The following UBE2L3 variants were observed in gnomAD, a reference collection of about 807,000 sequenced individuals.
UBE2L3 encodes the protein ubiquitin-conjugating enzyme E2 L3.
Under a neutral mutation model 17.8 loss-of-function variants are expected in UBE2L3, and 1 was observed. The ratio of observed to expected loss-of-function variants is 0.06; its 90% CI spans 0.02 to 0.27. The LOEUF is 0.27. Ranked by LOEUF, UBE2L3 falls within the 10% of genes least tolerant of loss-of-function variation. UBE2L3 has a pLI of 1.00. For synonymous variants in UBE2L3, 44 were observed against 68.5 expected, an observed-to-expected ratio of 0.64 and a Z score of 1.76; for missense variants, 40 against 192.6, an observed-to-expected ratio of 0.21 and a Z score of 4.69.
At chr22:21,593,885 TG>T (rs574208257) in intron 2 of UBE2L3, among the ~76,000 whole-genome samples, 68 of 152,154 alleles carry the variant, frequency 4.5e-4, no homozygotes, top group Non-Finnish European at 8.4e-4. Flanking sequence ...TGACTCTTGT[TG>T]GTCTCCTGCT....
chr22:21,621,442 G>A (rs1049540100), intron 3 of UBE2L3, 73 bp from the exon 4 acceptor site: 13 of 1,488,454 alleles, frequency 8.7e-6, no homozygotes, highest in Admixed American at 5.0e-5. Flanking sequence ...TTTTGTTCCC[G>A]GATTAGCTGC....
chr22:21,586,774 G>T (rs1297132251), intron 1 of UBE2L3, among the ~76,000 whole-genome samples: 1 of 150,750 alleles, frequency 6.6e-6, no homozygotes, highest in Admixed American at 6.6e-5. Context: ...TACCATGTCG[G>T]CCAGGCTGCT....
chr22:21,580,407 CTT>C (rs1927559512), intron 1 of UBE2L3, among the ~76,000 whole-genome samples: 1 of 152,182 alleles, frequency 6.6e-6, no homozygotes, highest in Non-Finnish European at 1.5e-5. Context: ...CCCAGCATCT[CTT>C]TGTTTTCTGT....
chr22:21,618,422 C>A (rs562445357), intron 3 of UBE2L3, among the ~76,000 whole-genome samples: 1 of 151,618 alleles, frequency 6.6e-6, no homozygotes. Context: ...GAAAATTAGC[C>A]GGGCATGGTG....
At chr22:21,570,420 G>T (rs1304539183) in intron 1 of UBE2L3, among the ~76,000 whole-genome samples, 2 of 152,182 alleles carry the variant, frequency 1.3e-5, no homozygotes, top group Admixed American at 6.5e-5. Context: ...TTAGTGTATT[G>T]TCATTTGTAT....
At chr22:21,574,768 A>T (rs1353164567) in intron 1 of UBE2L3, among the ~76,000 whole-genome samples, 1 of 152,082 alleles carries the variant, frequency 6.6e-6, no homozygotes, top group African/African-American at 2.4e-5. Context: ...AGATTGAGAC[A>T]ATCCTGGCCA....
At position 21,579,004 on chromosome 22, in the gene UBE2L3, T is replaced by TA; in HGVS notation, c.27+11233_27+11234insA. ...TTATTTATTTATTTATTTATTTATT[T>TA]TTTGAGATGGAGTTTCACTCTTGTC... is the stretch of plus-strand genomic sequence containing the variant. On this transcript the variant is annotated intron_variant, in intron 1 of 3. Transcript: ENST00000342192. Among the ~76,000 whole-genome samples, 8 of 151,104 alleles carry TA rather than the reference T, an allele frequency of 5.3e-5. 1 individual carries two copies. The highest frequency in any genetic ancestry group is 1.9e-4 in the African/African-American group (8 of 41,040).
intron 3 of UBE2L3, among the ~76,000 whole-genome samples, chr22:21,618,760 T>C (rs1929909256): frequency 6.6e-6 from 1 of 152,022 alleles, no homozygotes. Flanking sequence ...GCTAATTTTA[T>C]TTTTTATTTT....
At chr22:21,562,958 T>G (rs1167009303), upstream of UBE2L3, among the ~76,000 whole-genome samples, 1 of 151,540 alleles carries the variant, frequency 6.6e-6, no homozygotes, top group East Asian at 2.0e-4. Context: ...TTCAAAAAAT[T>G]TATTGCCAGG....
intron 3 of UBE2L3, among the ~76,000 whole-genome samples, chr22:21,613,356 G>A (rs1271805896): frequency 1.3e-5 from 2 of 152,162 alleles, no homozygotes; most frequent in Non-Finnish European, 2.9e-5. Context: ...TAACTTAGGG[G>A]CAGCTTTTAA....
chr22:21,577,158 C>G (rs150566599), intron 1 of UBE2L3, among the ~76,000 whole-genome samples: 1 of 151,572 alleles, frequency 6.6e-6, no homozygotes, highest in Admixed American at 6.6e-5. Flanking sequence ...TTAGTAGAAA[C>G]GGGGTTTCAC....
At chr22:21,588,191 A>G (rs1439630102) in intron 1 of UBE2L3, among the ~76,000 whole-genome samples, 1 of 152,154 alleles carries the variant, frequency 6.6e-6, no homozygotes, top group Non-Finnish European at 1.5e-5. Flanking sequence ...TGGTCTTCCT[A>G]ACTCTGTTCT....
intron 3 of UBE2L3, among the ~76,000 whole-genome samples, chr22:21,615,554 CAAAA>C (rs370703483): frequency 1.1e-5 from 1 of 94,234 alleles, no homozygotes; most frequent in Non-Finnish European, 2.2e-5. Flanking sequence ...GACTCCGTCT[CAAAA>C]AAAAAAAAAA....
intron 1 of UBE2L3, among the ~76,000 whole-genome samples, chr22:21,587,316 G>T (rs143527942): frequency 6.6e-6 from 1 of 151,940 alleles, no homozygotes; most frequent in East Asian, 1.9e-4. Flanking sequence ...TCAGCCTCCC[G>T]AGTAGCCGGG....
intron 2 of UBE2L3, among the ~76,000 whole-genome samples, chr22:21,606,923 C>T (rs547416262): frequency 5.9e-5 from 9 of 152,294 alleles, no homozygotes; most frequent in Admixed American, 2.6e-4. Flanking sequence ...GGCCACACTG[C>T]CTGCCCGCAG....
chr22:21,567,874 T>C, intron 1 of UBE2L3, 103 bp downstream of exon 1: 1 of 1,544,670 alleles, frequency 6.5e-7, no homozygotes. Flanking sequence ...TCTGGCTTCC[T>C]GCCCTACACG....
At chr22:21,613,695 T>C (rs1166245208) in intron 3 of UBE2L3, among the ~76,000 whole-genome samples, 3 of 152,238 alleles carry the variant, frequency 2.0e-5, no homozygotes, top group Admixed American at 6.5e-5. Flanking sequence ...TTGGCTGGGC[T>C]TAGCTACATG....
chr22:21,556,352 G>A (rs1360161112), intron 1 of UBE2L3, among the ~76,000 whole-genome samples: 3 of 152,234 alleles, frequency 2.0e-5, no homozygotes, highest in Non-Finnish European at 4.4e-5. Context: ...CAATGATCAT[G>A]CCACTGCACT....
intron 2 of UBE2L3, among the ~76,000 whole-genome samples, chr22:21,598,787 G>T (rs1449892970): frequency 1.3e-5 from 2 of 151,242 alleles, no homozygotes; most frequent in African/African-American, 4.9e-5. Context: ...TCCTGCCTCA[G>T]CCTCCCAAAG....
Sources: gnomAD v4.1 joint callset for allele counts (sites outside exome capture counted in the v4.1 genomes callset) on GRCh38, gnomAD v4.1.1 for gene constraint, MANE v1.5 for transcripts, NCBI Gene and HGNC (gene_info 2026-07-23, HGNC 2026-07-21) for gene names.